ADAMTS7: variants seen among roughly 807,000 people sequenced by gnomAD.
ADAMTS7 encodes ADAM metallopeptidase with thrombospondin type 1 motif 7.
Under a neutral mutation model 172.6 loss-of-function variants are expected in ADAMTS7, and 89 were observed. The ratio of observed to expected loss-of-function variants is 0.52; its 90% confidence interval spans 0.43 to 0.61. ADAMTS7 has a LOEUF of 0.61. ADAMTS7 is among the 20% of genes least tolerant of loss of function. ADAMTS7 has a pLI of 0.00. For missense variants in ADAMTS7, 1,973 were observed against 2,355.6 expected, an observed-to-expected ratio of 0.84 and a Z score of 3.36; for synonymous variants, 885 against 978.4, an observed-to-expected ratio of 0.90 and a Z score of 1.78.
At chr15:78,764,209 G>T (rs1596171249) in intron 20 of ADAMTS7, 110 bp from the exon 21 acceptor site, 6 of 1,381,434 alleles carry the variant, frequency 4.3e-6, no homozygotes, top group Non-Finnish European at 5.7e-6. Flanking sequence ...CAGCCCGGGG[G>T]AATAGCTGAA....
chr15:78,768,376 T>G, intron 16 of ADAMTS7, 117 bp from the exon 17 acceptor site: 2 of 1,429,018 alleles, frequency 1.4e-6, no homozygotes, highest in South Asian at 2.5e-5. Context: ...CGTGTCAGGA[T>G]GCCTTACTGC....
chr15:78,768,564 T>C (rs1264653359), intron 16 of ADAMTS7, among the ~76,000 whole-genome samples: 1 of 152,074 alleles, frequency 6.6e-6, no homozygotes, highest in Non-Finnish European at 1.5e-5. Flanking sequence ...GCAGCTCATT[T>C]GGCCTCTCTG....
chr15:78,791,823 G>A (rs1258861577), intron 4 of ADAMTS7, among the ~76,000 whole-genome samples: 1 of 152,178 alleles, frequency 6.6e-6, no homozygotes, highest in African/African-American at 2.4e-5. Context: ...GGAGGCAGGT[G>A]TGCACATCTA....
chr15:78,786,598 G>C (rs369286140), intron 8 of ADAMTS7, among the ~76,000 whole-genome samples: 1 of 152,088 alleles, frequency 6.6e-6, no homozygotes, highest in Non-Finnish European at 1.5e-5. Context: ...ATGAAGACAC[G>C]GGAGGAAAGA....
intron 4 of ADAMTS7, among the ~76,000 whole-genome samples, chr15:78,794,724 TTTG>T (rs2141515463): frequency 6.6e-6 from 1 of 152,184 alleles, no homozygotes; most frequent in East Asian, 1.9e-4. Flanking sequence ...TGTTTTTGTT[TTTG>T]TTTTTTTTGA....
At chr15:78,797,814 G>A in intron 3 of ADAMTS7, 134 bp downstream of exon 3, 1 of 1,032,106 alleles carries the variant, frequency 9.7e-7, no homozygotes. Flanking sequence ...CTATGGTAAA[G>A]TATCCATCTG....
At chr15:78,801,820 G>A (rs1307181368) in intron 1 of ADAMTS7, among the ~76,000 whole-genome samples, 1 of 152,012 alleles carries the variant, frequency 6.6e-6, no homozygotes, top group Non-Finnish European at 1.5e-5. Flanking sequence ...TGGGACTACA[G>A]GTGGGTGCCA....
At chr15:78,804,604 A>G (rs901819010) in intron 1 of ADAMTS7, among the ~76,000 whole-genome samples, 2 of 152,146 alleles carry the variant, frequency 1.3e-5, no homozygotes, top group Admixed American at 1.3e-4. Context: ...CCTCTGCCGA[A>G]CTGCACGTAG....
Position 78,771,008 on chromosome 15 carries a change from A to C in ADAMTS7, c.2518+154T>G, listed in dbSNP as rs2055239538. ...CCCAGCGGGCCTGGGACACAGGGCA[A>C]TCGCTAGCCTCATCTCACAGATGGA... is the stretch of plus-strand genomic sequence containing the variant. On this transcript the variant is annotated intron_variant, in intron 16 of 23. Coordinates refer to ENST00000388820, the MANE Select transcript of ADAMTS7 (RefSeq NM_014272.5). This position sits in a 1 kb window ranked among gnomAD's most constrained non-coding sequence, Gnocchi z 4.9. The C allele has an allele frequency of 5.2e-6, 3 of 572,876 alleles. No individual in the cohort carries two copies. The Admixed American group carries it at 2.2e-4, about 41-fold the overall frequency. The allele number at this position is 572,876 out of a possible 1,614,324, so 35.5% of individuals were successfully genotyped here.
chr15:78,800,570 G>T, intron 1 of ADAMTS7, 23 bp from the exon 2 acceptor site: 1 of 1,566,056 alleles, frequency 6.4e-7, no homozygotes, highest in Non-Finnish European at 8.7e-7. Flanking sequence ...AACCACAAAC[G>T]CCTAGGCCCA....
chr15:78,777,503 C>T lies in ADAMTS7; in HGVS notation c.1408G>A (p.Val470Ile), dbSNP rs2055366253. Residue 470 changes from valine (V) to isoleucine (I), a missense_variant, in exon 9 of 24, where the codon GTA (valine) becomes ATA (isoleucine). Coordinates refer to ENST00000388820, the MANE Select transcript of ADAMTS7 (RefSeq NM_014272.5). ...TACTGGAGGCGGCACTGGTGGCTTACATCATAGAGGACGCCAGGTGGCACC... is the reference window on the plus strand; with the variant it reads ...TACTGGAGGCGGCACTGGTGGCTTATATCATAGAGGACGCCAGGTGGCACC... ...PSVPPGVLYD[V>I]SHQCRLQYGA... The T allele has an allele frequency of 6.8e-6, 11 of 1,612,552 alleles. No individual in the cohort carries two copies. Among genetic ancestry groups the T allele is most frequent in the Non-Finnish European group, 9.3e-6 (11 of 1,179,426 alleles).
intron 4 of ADAMTS7, among the ~76,000 whole-genome samples, chr15:78,792,249 C>A (rs1334397896): frequency 6.6e-6 from 1 of 152,134 alleles, no homozygotes; most frequent in Non-Finnish European, 1.5e-5. Flanking sequence ...GAGCCTTGAA[C>A]CACCTTTCTC....
At chr15:78,761,505 C>T (rs1422588903) in intron 23 of ADAMTS7, among the ~76,000 whole-genome samples, 1 of 152,234 alleles carries the variant, frequency 6.6e-6, no homozygotes. Context: ...TGAGCACCAC[C>T]TGGATCCCCA....
chr15:78,796,629 C>A lies in ADAMTS7; in HGVS notation c.780G>T (p.Gln260His). ...TCAGCACATAGCTCTCAACCTGCGG[C>A]TGTCCGTGGTACTCCACCATTTTGG... is the stretch of plus-strand genomic sequence containing the variant. ...ADAKMVEYHG[Q>H]PQVESYVLTI... is the part of the protein sequence containing the mutation. The change falls in exon 4 of 24, where the codon CAG becomes CAT. Residue 260 changes from glutamine (Q) to histidine (H), a missense_variant. Coordinates refer to ENST00000388820, the MANE Select transcript of ADAMTS7 (RefSeq NM_014272.5). 6.2e-7 allele frequency: 1 copy of A among 1,614,074 alleles called. No homozygotes were observed. Among genetic ancestry groups the A allele is most frequent in the Non-Finnish European group, 8.5e-7 (1 of 1,179,986 alleles).
At chr15:78,775,684 G>C (rs1252855645) in intron 11 of ADAMTS7, among the ~76,000 whole-genome samples, 1 of 152,156 alleles carries the variant, frequency 6.6e-6, no homozygotes, top group Non-Finnish European at 1.5e-5. Flanking sequence ...GAGCCTCTGA[G>C]GCCACCAAGC....
At position 78,763,918 on chromosome 15, in the gene ADAMTS7, G is replaced by C. The variant is rs777170764; in HGVS notation, c.4593+8C>G. Reference sequence around the variant, plus strand: ...TCCCCTCCCCCCAACTCAACGGCCAGGCCTCACCTCCCTCCAGGAAGATGT... The same window carrying C: ...TCCCCTCCCCCCAACTCAACGGCCACGCCTCACCTCCCTCCAGGAAGATGT... On this transcript the variant is annotated splice_region_variant and intron_variant, in intron 21 of 23. Transcript: ENST00000388820. The C allele has an allele frequency of 3.2e-6, 5 of 1,553,208 alleles. No homozygotes were observed. The African/African-American group carries it at 6.7e-5, about 21-fold the overall frequency.
intron 6 of ADAMTS7, among the ~76,000 whole-genome samples, 199 bp downstream of exon 6, chr15:78,790,471 C>T (rs766092628): frequency 5.9e-5 from 9 of 152,092 alleles, no homozygotes; most frequent in South Asian, 4.1e-4. Context: ...CTGATAACAG[C>T]GAGAAAATCC....
At chr15:78,787,725 A>G (rs1228950389) in intron 8 of ADAMTS7, among the ~76,000 whole-genome samples, 1 of 152,178 alleles carries the variant, frequency 6.6e-6, no homozygotes, top group Non-Finnish European at 1.5e-5. Context: ...ATGAAAAAAA[A>G]GGAGAAAGCT....
chr15:78,788,148 C>G, intron 8 of ADAMTS7, 83 bp downstream of exon 8: 1 of 1,554,798 alleles, frequency 6.4e-7, no homozygotes, highest in Non-Finnish European at 8.7e-7. Flanking sequence ...TACCCCGGCC[C>G]TGCAGTATGA....
Sources: gnomAD v4.1 joint callset for allele counts (sites outside exome capture counted in the v4.1 genomes callset) on GRCh38, gnomAD v4.1.1 for gene constraint, Gnocchi (gnomAD v3.1) non-coding constraint, MANE v1.5 for transcripts, NCBI Gene and HGNC (gene_info 2026-07-23, HGNC 2026-07-21) for gene names.